TRIQK: variants seen among roughly 807,000 people sequenced by gnomAD.
The protein encoded by TRIQK is triple QxxK/R motif-containing protein.
TRIQK carries 10 observed loss-of-function variants against 10.8 expected under a neutral mutation model. That is an observed-to-expected ratio of 0.92 (90% CI 0.57 to 1.57). The LOEUF is 1.57. Among genes scored for constraint, TRIQK ranks in the 40% most tolerant of loss-of-function variants. The probability of loss-of-function intolerance (pLI) is 0.00; values close to 1 mark genes in which losing one functional copy is unlikely to be tolerated. For synonymous variants in TRIQK, 33 were observed against 33.7 expected (o/e 0.98, Z 0.07); for missense variants, 107 against 97.7 (o/e 1.09, Z -0.40).
At chr8:93,014,169 T>C (rs1347274000) in intron 1 of TRIQK, among the ~76,000 whole-genome samples, 2 of 152,046 alleles carry the variant, frequency 1.3e-5, no homozygotes, top group African/African-American at 4.8e-5. Context: ...AGGAAATATA[T>C]GCAAATAATG....
intron 1 of TRIQK, among the ~76,000 whole-genome samples, chr8:93,000,975 A>G (rs991908439): frequency 2.0e-5 from 3 of 152,154 alleles, no homozygotes; most frequent in Non-Finnish European, 4.4e-5. Context: ...TTACCTATCA[A>G]TAATAAACTT....
At chr8:92,913,613 T>C (rs1312968057) in intron 3 of TRIQK, among the ~76,000 whole-genome samples, 1 of 152,122 alleles carries the variant, frequency 6.6e-6, no homozygotes, top group East Asian at 1.9e-4. Flanking sequence ...GCAATTCCAT[T>C]ACTGGGTATA....
intron 2 of TRIQK, among the ~76,000 whole-genome samples, chr8:92,923,674 T>C (rs1810298273): frequency 6.6e-6 from 1 of 151,866 alleles, no homozygotes; most frequent in Admixed American, 6.6e-5. Flanking sequence ...AATAATTCAG[T>C]TAATTTTTAT....
chr8:92,891,654 G>T (rs1054088490), intron 4 of TRIQK, among the ~76,000 whole-genome samples: 1 of 151,794 alleles, frequency 6.6e-6, no homozygotes, highest in Non-Finnish European at 1.5e-5. Context: ...ACTATAAAAT[G>T]AGATTTATTG....
rs142341794 is a variant in TRIQK, at chr8:92,950,722, G to C, written c.-22+3684C>G. On this transcript the variant is annotated intron_variant, in intron 2 of 4. Coordinates refer to ENST00000521988, the MANE Select transcript of TRIQK (RefSeq NM_001171797.2). ...AAGTTTAGCATCTCAAATATTTAAA[G>C]TAACCCTAGGTCTAACACATAATAG... is the stretch of plus-strand genomic sequence containing the variant. 1.9e-3 allele frequency among the ~76,000 whole-genome samples: 285 copies of C among 152,176 alleles called. 1 individual carries two copies. The highest frequency in any genetic ancestry group is 6.5e-3 in the African/African-American group (269 of 41,546).
chr8:92,893,798 ACTTCTTGT>A (rs1816877124), intron 3 of TRIQK, among the ~76,000 whole-genome samples: 1 of 143,220 alleles, frequency 7.0e-6, no homozygotes, highest in Non-Finnish European at 1.5e-5. Flanking sequence ...TCACAAAGTA[ACTTCTTGT>A]TTTATCCTGT....
intron 1 of TRIQK, among the ~76,000 whole-genome samples, chr8:93,001,377 C>T (rs899844803): frequency 4.7e-5 from 7 of 150,380 alleles, no homozygotes; most frequent in South Asian, 4.2e-4. Context: ...AAGTATATAC[C>T]GCCTACAAAA....
Position 92,916,969 on chromosome 8 carries a change from A to G in TRIQK, c.21T>C (p.Ala7=). ...ACTGATCAACAGGAAGTTTTATAGT[A>G]GCAGCATCTTTTCTACCCATCTTTG... MGRKDA[A]TIKLPVDQYR... is the part of the protein sequence containing the mutation. The change falls in exon 3 of 5, where the codon GCT becomes GCC. Residue 7 remains alanine, a synonymous_variant. Transcript: ENST00000521988. 1 of 1,511,620 alleles carries G rather than the reference A, an allele frequency of 6.6e-7. No individual in the cohort carries two copies. Among genetic ancestry groups the G allele is most frequent in the Non-Finnish European group, 8.8e-7 (1 of 1,135,772 alleles). The allele number at this position is 1,511,620 out of a possible 1,614,324, so 93.6% of individuals were successfully genotyped here.
intron 2 of TRIQK, among the ~76,000 whole-genome samples, chr8:92,936,873 T>C (rs995233724): frequency 1.3e-5 from 2 of 151,746 alleles, no homozygotes; most frequent in African/African-American, 4.8e-5. Context: ...AAAGCAGCTA[T>C]AAATACTATG....
intron 1 of TRIQK, among the ~76,000 whole-genome samples, chr8:92,958,780 G>T (rs1011436796): frequency 6.6e-6 from 1 of 151,928 alleles, no homozygotes; most frequent in Non-Finnish European, 1.5e-5. Flanking sequence ...CTGCTTTCTA[G>T]ATACAAATAT....
chr8:92,918,503 T>A (rs184670070), intron 2 of TRIQK, among the ~76,000 whole-genome samples: 3 of 152,246 alleles, frequency 2.0e-5, no homozygotes, highest in Non-Finnish European at 1.5e-5. Context: ...TTCAAATACC[T>A]GTTGGCCATT....
chr8:92,991,013 T>C (rs906205118), intron 1 of TRIQK, among the ~76,000 whole-genome samples: 3 of 152,184 alleles, frequency 2.0e-5, no homozygotes, highest in African/African-American at 7.2e-5. Context: ...CTTGAAATTC[T>C]CACTTCCAGC....
At chr8:92,987,994 T>C (rs1194305510) in intron 1 of TRIQK, among the ~76,000 whole-genome samples, 1 of 143,210 alleles carries the variant, frequency 7.0e-6, no homozygotes, top group Non-Finnish European at 1.5e-5. Context: ...TCATACTTTA[T>C]ACTTTCTTTT....
intron 3 of TRIQK, among the ~76,000 whole-genome samples, chr8:92,909,411 T>G (rs530825535): frequency 1.6e-4 from 25 of 151,930 alleles, no homozygotes; most frequent in African/African-American, 5.8e-4. Context: ...ACGCAAAAAG[T>G]AAAACTTCTC....
intron 2 of TRIQK, among the ~76,000 whole-genome samples, chr8:92,943,075 TAA>T (rs568414238): frequency 2.2e-5 from 3 of 138,342 alleles, no homozygotes; most frequent in African/African-American, 2.7e-5. Flanking sequence ...TTACAATAGC[TAA>T]AAAAAAAAAA....
At chr8:92,913,969 G>T (rs188651165) in intron 3 of TRIQK, among the ~76,000 whole-genome samples, 47 of 152,208 alleles carry the variant, frequency 3.1e-4, no homozygotes, top group Non-Finnish European at 5.7e-4. Context: ...GGGCCTGTCA[G>T]GGGGTGGGGT....
rs1003429001 is a variant in TRIQK, at chr8:92,916,947, G to A, written c.43C>T (p.Gln15Ter). 6.6e-7 allele frequency: 1 copy of A among 1,503,914 alleles called. No homozygotes were observed. The highest frequency in any genetic ancestry group is 2.6e-5 in the East Asian group (1 of 38,656). 93.2% of individuals were successfully genotyped at this position (1,503,914 alleles called of 1,614,324 possible). The change falls in exon 3 of 5, where the codon CAG becomes TAG. Residue 15 changes from glutamine (Q) to a stop codon, truncating the protein, a stop_gained. Coordinates refer to ENST00000521988, the MANE Select transcript of TRIQK (RefSeq NM_001171797.2). LOFTEE classifies it high-confidence loss of function. ...DAATIKLPVDQYRKQIGKQDY... is the reference protein window; with the variant it reads ...DAATIKLPVD ...TGCTTACCAATTTGTTTTCTGTACT[G>A]ATCAACAGGAAGTTTTATAGTAGCA...
upstream of TRIQK, among the ~76,000 whole-genome samples, chr8:92,968,446 C>T (rs1490917560): frequency 6.6e-6 from 1 of 152,200 alleles, no homozygotes; most frequent in Non-Finnish European, 1.5e-5. Context: ...TATTTCTCCA[C>T]ATCCTCTCCA....
In TRIQK at chr8:92,957,332, G is replaced by A. The variant is rs140824446; in HGVS notation, c.-180-2768C>T. On this transcript the variant is annotated intron_variant, in intron 1 of 4. Transcript: ENST00000521988. ...GTACATAAAATATATGTATATTTAC[G>A]TATACATACACATACAGATACACAT... is the stretch of plus-strand genomic sequence containing the variant. Among the ~76,000 whole-genome samples the A allele has an allele frequency of 4.2e-4, 64 of 151,364 alleles. No individual in the cohort carries two copies. The East Asian group carries it at 0.01, about 24-fold the overall frequency.
Sources: allele counts gnomAD v4.1 joint callset (sites outside exome capture counted in the v4.1 genomes callset), GRCh38; gene constraint gnomAD v4.1.1; transcripts MANE v1.5; gene names NCBI Gene and HGNC (gene_info 2026-07-23, HGNC 2026-07-21).